Variants in XKR6 observed in about 807,000 individuals in gnomAD.
The protein encoded by XKR6 is XK-related protein 6.
A neutral mutation model predicts 56.7 loss-of-function variants in XKR6; 22 were observed. That is an observed-to-expected ratio of 0.39 (90% CI 0.28 to 0.55). XKR6 has a LOEUF of 0.55. XKR6 is among the 20% of genes least tolerant of loss of function. The probability of loss-of-function intolerance (pLI) is 0.66; values close to 1 mark genes in which losing one functional copy is unlikely to be tolerated. For synonymous variants in XKR6, 524 were observed against 387.8 expected (o/e 1.35, Z -4.13); for missense variants, 852 against 889.0 (o/e 0.96, Z 0.53).
In XKR6 at chr8:10,984,724, C is replaced by A. The variant is rs1453946236; in HGVS notation, c.765-59894G>T. 4.7e-3 allele frequency among the ~76,000 whole-genome samples: 352 copies of A among 74,814 alleles called. 1 individual carries two copies. Among genetic ancestry groups the A allele is most frequent in the African/African-American group, 0.018 (281 of 16,026 alleles). 49.1% of individuals were successfully genotyped at this position (74,814 alleles called of 152,430 possible). A position where few individuals can be genotyped will look rare whatever the true frequency, so the allele number is the denominator to read the frequency against. Reference sequence around the variant, plus strand: ...TCTCTCTCTCTCTCTCTCTCTCTCTCTCTCTCTCTATATATATATATATAT... The same window carrying A: ...TCTCTCTCTCTCTCTCTCTCTCTCTATCTCTCTCTATATATATATATATAT... On this transcript the variant is annotated intron_variant, in intron 1 of 2. Transcript: ENST00000416569.
chr8:11,183,111 G>C (rs1382416144), intron 1 of XKR6, among the ~76,000 whole-genome samples: 2 of 152,124 alleles, frequency 1.3e-5, no homozygotes, highest in African/African-American at 2.4e-5. Flanking sequence ...TTATTCACTT[G>C]TGTTGATGAA....
At chr8:11,181,598 A>C (rs114587235) in intron 1 of XKR6, among the ~76,000 whole-genome samples, 2,102 of 152,298 alleles carry the variant, frequency 0.014, 46 homozygotes, top group African/African-American at 0.045. Context: ...TGTTTTGTAT[A>C]TTTATATATG....
At chr8:10,905,663 T>C (rs1434456338) in intron 2 of XKR6, among the ~76,000 whole-genome samples, 1 of 152,116 alleles carries the variant, frequency 6.6e-6, no homozygotes, top group Non-Finnish European at 1.5e-5. Flanking sequence ...CCTGGCCCCC[T>C]CCCTGCCTCC....
chr8:11,117,176 C>CT, intron 1 of XKR6, among the ~76,000 whole-genome samples: 1 of 152,230 alleles, frequency 6.6e-6, no homozygotes, highest in Non-Finnish European at 1.5e-5. Flanking sequence ...TAGACTGAAT[C>CT]TTTTTTGCAG....
chr8:11,201,316 ACCG>A lies in XKR6; in HGVS notation c.21_23del (p.Gly9del). ...GCTGAGCGAAGCCCACCCCCACGCC[ACCG>A]CCATCGGATTTCGCCGCCATCTTGA... is the stretch of plus-strand genomic sequence containing the variant. On this transcript the variant is annotated inframe_deletion, in exon 1 of 3. Transcript: ENST00000416569. 1.5e-6 allele frequency: 2 copies of A among 1,312,412 alleles called. No individual in the cohort carries two copies. The highest frequency in any genetic ancestry group is 2.0e-6 in the Non-Finnish European group (2 of 1,011,220). 81.3% of individuals were successfully genotyped at this position (1,312,412 alleles called of 1,614,324 possible).
At chr8:11,134,308 G>A (rs1447130212) in intron 1 of XKR6, among the ~76,000 whole-genome samples, 4 of 152,128 alleles carry the variant, frequency 2.6e-5, no homozygotes, top group East Asian at 1.9e-4. Flanking sequence ...CCTTAAGGGC[G>A]TGGAAAACAA....
In XKR6 at chr8:11,201,050, G is replaced by T. The variant is rs1804199035; in HGVS notation, c.290C>A (p.Pro97His). The T allele has an allele frequency of 3.3e-6, 4 of 1,230,310 alleles. No individual in the cohort carries two copies. Among genetic ancestry groups the T allele is most frequent in the Non-Finnish European group, 2.0e-6 (2 of 989,898 alleles). 76.2% of individuals were successfully genotyped at this position (1,230,310 alleles called of 1,614,324 possible). A position where few individuals can be genotyped will look rare whatever the true frequency, so the allele number is the denominator to read the frequency against. The change falls in exon 1 of 3, where the codon CCT becomes CAT. Residue 97 changes from proline (P) to histidine (H), a missense_variant. Pro to His is a moderately conservative substitution (Grantham distance 77). Coordinates refer to ENST00000416569, the MANE Select transcript of XKR6 (RefSeq NM_173683.4). The part of the protein sequence containing the change: ...AADGGDQPLQ[P>H]PAAPGAGRQP... ...GCGGCCGGCGCCGGGGGCCGCGGGAGGCTGCAGCGGCTGGTCCCCCCCGTC... is the reference window on the plus strand; with the variant it reads ...GCGGCCGGCGCCGGGGGCCGCGGGATGCTGCAGCGGCTGGTCCCCCCCGTC...
chr8:10,971,994 C>A (rs768694832), intron 1 of XKR6, among the ~76,000 whole-genome samples: 1 of 152,232 alleles, frequency 6.6e-6, no homozygotes, highest in African/African-American at 2.4e-5. Flanking sequence ...CCCTCCACCT[C>A]CGATCAATCC....
At chr8:10,946,066 C>T (rs191835695) in intron 1 of XKR6, among the ~76,000 whole-genome samples, 76 of 152,118 alleles carry the variant, frequency 5.0e-4, no homozygotes, top group Non-Finnish European at 8.5e-4. Flanking sequence ...CTGCCATGCC[C>T]GTGATGGGAA....
At chr8:10,973,224 C>G (rs748068736) in intron 1 of XKR6, among the ~76,000 whole-genome samples, 3 of 152,144 alleles carry the variant, frequency 2.0e-5, no homozygotes, top group Non-Finnish European at 4.4e-5. Context: ...TAAAATAACC[C>G]ATCACTAATG....
intron 1 of XKR6, among the ~76,000 whole-genome samples, chr8:10,996,139 A>C (rs1771909577): frequency 6.6e-6 from 1 of 152,246 alleles, no homozygotes; most frequent in African/African-American, 2.4e-5. Context: ...TTCTTCAGTA[A>C]TCATTATCTG....
intron 1 of XKR6, among the ~76,000 whole-genome samples, chr8:11,158,264 G>C (rs1287654115): frequency 1.3e-5 from 2 of 152,138 alleles, no homozygotes; most frequent in African/African-American, 2.4e-5. Context: ...ATTATGGAAG[G>C]ACCAGGAAAA....
rs753644169 is a variant in XKR6, at chr8:10,898,517, G to A, written c.1361C>T (p.Ala454Val). Residue 454 changes from alanine (A) to valine (V), a missense_variant, in exon 3 of 3, where the codon GCT (alanine) becomes GTT (valine). This residue lies in a region of XKR6 where 197 missense variants were observed against 190.9 expected (regional missense o/e 1.03). Transcript: ENST00000416569. This position sits in a 1 kb window ranked among gnomAD's most constrained non-coding sequence, Gnocchi z 6.6. ...AYYTIVLTENAALTFLWYFYR... is the reference protein window; with the variant it reads ...AYYTIVLTENVALTFLWYFYR... ...AAAATACCAAAGGAACGTCAAGGCA[G>A]CATTCTCGGTCAAGACTATCGTATA... 16 of 1,613,986 alleles carry A rather than the reference G, an allele frequency of 9.9e-6. No homozygotes were observed. The highest frequency in any genetic ancestry group is 1.4e-5 in the Non-Finnish European group (16 of 1,180,000).
intron 1 of XKR6, among the ~76,000 whole-genome samples, chr8:11,062,077 A>G (rs941894330): frequency 6.6e-6 from 1 of 152,230 alleles, no homozygotes; most frequent in African/African-American, 2.4e-5. Context: ...AGGATGGGAA[A>G]ACCAGGATGC....
At chr8:11,172,110 C>T (rs1802404984) in intron 1 of XKR6, among the ~76,000 whole-genome samples, 1 of 151,580 alleles carries the variant, frequency 6.6e-6, no homozygotes, top group Admixed American at 6.6e-5. Flanking sequence ...GTGGCTCAGA[C>T]CTATAATCCC....
intron 1 of XKR6, among the ~76,000 whole-genome samples, chr8:10,984,439 T>A (rs1336651263): frequency 6.6e-6 from 1 of 151,954 alleles, no homozygotes; most frequent in Non-Finnish European, 1.5e-5. Context: ...AGGGCACTAT[T>A]CAACTTAATT....
intron 1 of XKR6, among the ~76,000 whole-genome samples, chr8:11,033,616 A>G (rs1563358203): frequency 6.6e-6 from 1 of 152,160 alleles, no homozygotes; most frequent in Non-Finnish European, 1.5e-5. Flanking sequence ...CATTATGGGC[A>G]CTGCCCCATA....
At chr8:11,069,933 G>C (rs1800074675) in intron 1 of XKR6, among the ~76,000 whole-genome samples, 1 of 152,214 alleles carries the variant, frequency 6.6e-6, no homozygotes. Context: ...CCTTGATATT[G>C]ACCCAAGGAT....
intron 1 of XKR6, among the ~76,000 whole-genome samples, chr8:11,130,894 G>A (rs939762396): frequency 1.3e-5 from 2 of 152,094 alleles, no homozygotes; most frequent in African/African-American, 4.8e-5. Flanking sequence ...CAGTAACCTT[G>A]CAGAGCAGCA....
Sources: allele counts gnomAD v4.1 joint callset (sites outside exome capture counted in the v4.1 genomes callset), GRCh38; gene constraint gnomAD v4.1.1; regional missense constraint gnomAD v4.1.1; non-coding constraint Gnocchi (gnomAD v3.1); transcripts MANE v1.5; gene names NCBI Gene and HGNC (gene_info 2026-07-23, HGNC 2026-07-21).